Variants in PPM1E observed in about 807,000 individuals in gnomAD.
PPM1E encodes the protein protein phosphatase 1E.
A neutral mutation model predicts 65.9 loss-of-function variants in PPM1E; 20 were observed. The observed-to-expected ratio is 0.30, with a 90% CI of 0.21 to 0.44. PPM1E has a LOEUF of 0.44. PPM1E is among the 20% of genes least tolerant of loss of function. The pLI is 1.00. For missense variants in PPM1E, 713 were observed against 953.1 expected (o/e 0.75, Z 3.32); for synonymous variants, 352 against 374.9 (o/e 0.94, Z 0.70).
At chr17:58,782,944 A>AT (rs1412401318) in intron 1 of PPM1E, among the ~76,000 whole-genome samples, 1 of 152,202 alleles carries the variant, frequency 6.6e-6, no homozygotes, top group Non-Finnish European at 1.5e-5. Context: ...AATAATATTT[A>AT]TTCTGTAAGA....
intron 1 of PPM1E, among the ~76,000 whole-genome samples, chr17:58,868,761 A>C (rs533871066): frequency 2.6e-5 from 4 of 152,214 alleles, no homozygotes; most frequent in African/African-American, 9.6e-5. Context: ...TAGGTCCCAT[A>C]GGGTATGGGT....
At chr17:58,822,370 ATTTATTTT>A (rs1388506732) in intron 1 of PPM1E, among the ~76,000 whole-genome samples, 27 of 132,794 alleles carry the variant, frequency 2.0e-4, no homozygotes, top group African/African-American at 6.1e-4. Context: ...TTATTTATTT[ATTTATTTT>A]TTGACGAGTC....
chr17:58,759,499 C>A (rs1348403260), intron 1 of PPM1E, among the ~76,000 whole-genome samples: 5 of 152,202 alleles, frequency 3.3e-5, no homozygotes, highest in African/African-American at 1.2e-4. Flanking sequence ...TATTTAATTT[C>A]TCTATACACT....
chr17:58,910,407 A>G (rs1171564601), intron 1 of PPM1E, among the ~76,000 whole-genome samples: 3 of 152,070 alleles, frequency 2.0e-5, no homozygotes, highest in Admixed American at 6.6e-5. Flanking sequence ...CATGTTGTCT[A>G]CGTTATCCAT....
intron 1 of PPM1E, among the ~76,000 whole-genome samples, chr17:58,906,441 T>C (rs1293753124): frequency 6.6e-6 from 1 of 152,132 alleles, no homozygotes; most frequent in African/African-American, 2.4e-5. Context: ...CAGGCTCAAG[T>C]GATCCTCCCA....
intron 1 of PPM1E, among the ~76,000 whole-genome samples, chr17:58,880,527 A>G (rs2051183082): frequency 6.6e-6 from 1 of 152,208 alleles, no homozygotes; most frequent in Non-Finnish European, 1.5e-5. Context: ...CATGTATGTA[A>G]TCTTTTGGCT....
chr17:58,968,823 C>G (rs982434176), intron 3 of PPM1E, among the ~76,000 whole-genome samples: 4 of 152,212 alleles, frequency 2.6e-5, no homozygotes, highest in African/African-American at 4.8e-5. Flanking sequence ...AGATCCTCCT[C>G]TGGCAGTTTA....
chr17:58,963,152 AGGTG>A (rs927866271), intron 2 of PPM1E, among the ~76,000 whole-genome samples: 8 of 152,096 alleles, frequency 5.3e-5, no homozygotes, highest in African/African-American at 1.4e-4. Flanking sequence ...TGGGAGGCCG[AGGTG>A]GGTGGATCAC....
chr17:58,870,558 A>G (rs1216347740), intron 1 of PPM1E, among the ~76,000 whole-genome samples: 1 of 152,116 alleles, frequency 6.6e-6, no homozygotes, highest in Non-Finnish European at 1.5e-5. Flanking sequence ...GCTCCCACTT[A>G]TAAGTGAGAA....
chr17:58,874,660 T>C (rs1391602828), intron 1 of PPM1E, among the ~76,000 whole-genome samples: 1 of 152,154 alleles, frequency 6.6e-6, no homozygotes, highest in Admixed American at 6.5e-5. Flanking sequence ...TTTGAGAAAT[T>C]ATAACCTGGT....
chr17:58,870,451 C>T (rs1216897871), intron 1 of PPM1E, among the ~76,000 whole-genome samples: 3 of 152,148 alleles, frequency 2.0e-5, no homozygotes, highest in Non-Finnish European at 2.9e-5. Context: ...AGGTAGTGAG[C>T]ATAGTACCCA....
At position 58,756,222 on chromosome 17, in the gene PPM1E, G is replaced by A. The variant is rs1257330879; in HGVS notation, c.225G>A (p.Ala75=). The A allele has an allele frequency of 6.4e-7, 1 of 1,553,960 alleles. No individual in the cohort carries two copies. The highest frequency in any genetic ancestry group is 8.7e-7 in the Non-Finnish European group (1 of 1,148,426). ...EPGEEAATVA[A]TEEGDQEQDP... Reference sequence around the variant, plus strand: ...GGGAGGAGGCGGCCACGGTAGCCGCGACGGAGGAGGGGGACCAGGAGCAAG... The same window carrying A: ...GGGAGGAGGCGGCCACGGTAGCCGCAACGGAGGAGGGGGACCAGGAGCAAG... The change falls in exon 1 of 7, where the codon GCG becomes GCA. Residue 75 remains alanine, a synonymous_variant. Coordinates refer to ENST00000308249, the MANE Select transcript of PPM1E (RefSeq NM_014906.5).
intron 1 of PPM1E, among the ~76,000 whole-genome samples, chr17:58,823,253 G>T (rs1224728750): frequency 6.6e-6 from 1 of 152,060 alleles, no homozygotes; most frequent in Non-Finnish European, 1.5e-5. Context: ...TGTCATGTAG[G>T]CATTTCTCAT....
At chr17:58,972,387 G>A (rs2030691247) in intron 5 of PPM1E, 112 bp downstream of exon 5, 1 of 1,191,662 alleles carries the variant, frequency 8.4e-7, no homozygotes, top group South Asian at 1.6e-5. Context: ...GTTTCACTCT[G>A]TTGCCCAGGC....
Position 58,944,576 on chromosome 17 carries a change from GAAT to G in PPM1E, c.465-11072_465-11070del, listed in dbSNP as rs527278067. 8.6e-3 allele frequency among the ~76,000 whole-genome samples: 1,301 copies of G among 152,080 alleles called. 17 individuals carry two copies. The highest frequency in any genetic ancestry group is 0.029 in the African/African-American group (1,213 of 41,478). The stretch of plus-strand genomic sequence containing the variant: ...GGCTTTTCATATAATTATTATTATA[GAAT>G]TATAAATTCTACAATAAGTGGTCTT... On this transcript the variant is annotated intron_variant, in intron 1 of 6. Transcript: ENST00000308249.
At chr17:58,896,740 A>G (rs2051422818) in intron 1 of PPM1E, among the ~76,000 whole-genome samples, 1 of 152,214 alleles carries the variant, frequency 6.6e-6, no homozygotes. Flanking sequence ...CAAAAGATCT[A>G]GCTAAGATCA....
At chr17:58,773,622 A>G (rs1009698886) in intron 1 of PPM1E, among the ~76,000 whole-genome samples, 1 of 152,120 alleles carries the variant, frequency 6.6e-6, no homozygotes, top group Non-Finnish European at 1.5e-5. Flanking sequence ...CTTGAAGCAG[A>G]ATTCATGTTT....
intron 1 of PPM1E, among the ~76,000 whole-genome samples, chr17:58,889,814 A>G (rs762959705): frequency 6.6e-6 from 1 of 152,198 alleles, no homozygotes; most frequent in East Asian, 1.9e-4. Flanking sequence ...AAAATACCTC[A>G]TAATACCAAG....
chr17:58,936,449 A>G (rs2051982028), intron 1 of PPM1E, among the ~76,000 whole-genome samples: 1 of 152,180 alleles, frequency 6.6e-6, no homozygotes, highest in African/African-American at 2.4e-5. Context: ...CTCCAAGTTA[A>G]TTGATGGAAA....
Sources: gnomAD v4.1 joint callset for allele counts (sites outside exome capture counted in the v4.1 genomes callset) on GRCh38, gnomAD v4.1.1 for gene constraint, MANE v1.5 for transcripts, NCBI Gene and HGNC (gene_info 2026-07-23, HGNC 2026-07-21) for gene names.